ARHGAP32: variants seen among roughly 807,000 people sequenced by gnomAD.
ARHGAP32 encodes the protein Rho GTPase activating protein 32.
In ARHGAP32, 51 loss-of-function variants were observed where a neutral mutation model predicts 186.5. The observed-to-expected ratio is 0.27, with a 90% CI of 0.22 to 0.35. The LOEUF (loss-of-function observed/expected upper bound fraction) is 0.35, where lower values mean the gene tolerates loss of function less well. ARHGAP32 is among the 10% of genes least tolerant of loss of function. The pLI is 1.00. For missense variants in ARHGAP32, 2,186 were observed against 2,623.5 expected, an observed-to-expected ratio of 0.83 and a Z score of 3.64; for synonymous variants, 950 against 964.3, an observed-to-expected ratio of 0.99 and a Z score of 0.27.
Position 128,998,441 on chromosome 11 carries a change from G to A in ARHGAP32, c.1073C>T (p.Thr358Met), listed in dbSNP as rs1205267258. The change falls in exon 12 of 23, where the codon ACG becomes ATG. Residue 358 changes from threonine (T) to methionine (M), a missense_variant. Around this residue, in one of 5 missense-constraint regions of ARHGAP32, gnomAD observed 308 missense variants for 596.5 expected, o/e 0.52. Transcript: ENST00000682385. ...AGACTTCATGAATGTTCGTAAGAAC[G>A]TAATGAGCTTGCCGTGCTTTTTAGA... ...PVSKKHGKLI[T>M]FLRTFMKSRP... The A allele has an allele frequency of 3.2e-6, 5 of 1,577,480 alleles. No individual in the cohort carries two copies. The highest frequency in any genetic ancestry group is 1.7e-5 in the Admixed American group (1 of 57,272).
chr11:129,021,378 A>C (rs977851810), intron 11 of ARHGAP32, among the ~76,000 whole-genome samples: 5 of 152,046 alleles, frequency 3.3e-5, no homozygotes, highest in African/African-American at 7.2e-5. Flanking sequence ...TGGTTAACTA[A>C]AATATTGGGA....
Position 129,165,312 on chromosome 11 carries a change from T to C in ARHGAP32, c.117-885A>G, listed in dbSNP as rs544665290. Among the ~76,000 whole-genome samples the C allele has an allele frequency of 1.6e-4, 24 of 151,742 alleles. No individual in the cohort carries two copies. In the South Asian group the frequency reaches 4.8e-3, roughly 30 times the overall value. On this transcript the variant is annotated intron_variant, in intron 1 of 22. Coordinates refer to ENST00000682385, the MANE Select transcript of ARHGAP32 (RefSeq NM_001378024.1). ...AGTAGACATTTTGGCAGCCCATCAA[T>C]GGTGAGGAGATGGGCTGGCAAGCAA... is the stretch of plus-strand genomic sequence containing the variant.
At chr11:129,029,638 C>A (rs901192426) in intron 11 of ARHGAP32, among the ~76,000 whole-genome samples, 9 of 151,880 alleles carry the variant, frequency 5.9e-5, no homozygotes, top group Non-Finnish European at 8.8e-5. Flanking sequence ...CCCGTCTCTA[C>A]TAAAAATACA....
chr11:129,236,438 T>C (rs1022270382), intron 1 of ARHGAP32, among the ~76,000 whole-genome samples: 2 of 152,162 alleles, frequency 1.3e-5, no homozygotes, highest in Non-Finnish European at 2.9e-5. Flanking sequence ...TCTTGCTGAT[T>C]TGTTTGGCTT....
intron 1 of ARHGAP32, among the ~76,000 whole-genome samples, chr11:129,220,372 A>T (rs1944697452): frequency 1.3e-5 from 2 of 152,186 alleles, no homozygotes; most frequent in East Asian, 3.8e-4. Context: ...AACAATGAAA[A>T]TCCGTGAATA....
intron 6 of ARHGAP32, among the ~76,000 whole-genome samples, chr11:129,086,776 G>C (rs557348859): frequency 6.8e-6 from 1 of 147,890 alleles, no homozygotes; most frequent in Admixed American, 6.8e-5. Flanking sequence ...AGCCGAGATT[G>C]CGCCACTGCA....
chr11:128,971,347 C>T, intron 22 of ARHGAP32, 188 bp from the exon 23 acceptor site: 1 of 537,862 alleles, frequency 1.9e-6, no homozygotes. Context: ...TGTACAACAC[C>T]CAGTATTATC....
chr11:128,994,755 C>T (rs1168801488), intron 12 of ARHGAP32, among the ~76,000 whole-genome samples: 1 of 152,042 alleles, frequency 6.6e-6, no homozygotes, highest in African/African-American at 2.4e-5. Context: ...CAAAGGTTTC[C>T]CTTCTCCTGC....
chr11:129,002,192 G>C (rs1358937135), intron 11 of ARHGAP32, among the ~76,000 whole-genome samples: 1 of 152,092 alleles, frequency 6.6e-6, no homozygotes, highest in Non-Finnish European at 1.5e-5. Context: ...GGGTAATATG[G>C]ACATTTTTAA....
intron 18 of ARHGAP32, 51 bp downstream of exon 18, chr11:128,980,502 A>G: frequency 7.2e-7 from 1 of 1,388,398 alleles, no homozygotes; most frequent in Non-Finnish European, 9.8e-7. Context: ...AGAAAATAAT[A>G]GGACATAGCT....
chr11:129,031,841 G>C (rs1253972517), intron 11 of ARHGAP32, among the ~76,000 whole-genome samples: 1 of 152,182 alleles, frequency 6.6e-6, no homozygotes. Flanking sequence ...CCTGCCAGCA[G>C]AGCAGTAGAG....
chr11:128,968,208 T>A lies in ARHGAP32; in HGVS notation c.*699A>T, dbSNP rs1945261957. The A allele has an allele frequency of 6.6e-6, 1 of 152,112 alleles. No homozygotes were observed. Among genetic ancestry groups the A allele is most frequent in the Non-Finnish European group, 1.5e-5 (1 of 68,024 alleles). 9.4% of individuals were successfully genotyped at this position (152,112 alleles called of 1,614,324 possible). On this transcript the variant is annotated 3_prime_UTR_variant, in exon 23 of 23. Transcript: ENST00000682385. ...TGATATGAGCCTGTTCACTGAACCG[T>A]GAGGAACAAGGATGAAAAATAAGAA...
intron 11 of ARHGAP32, among the ~76,000 whole-genome samples, chr11:129,023,083 C>A (rs573037176): frequency 1.3e-5 from 2 of 151,840 alleles, no homozygotes; most frequent in African/African-American, 4.8e-5. Flanking sequence ...AAATGTTCAA[C>A]CTCTGTTAAG....
chr11:129,183,712 A>G (rs926446070), intron 1 of ARHGAP32, among the ~76,000 whole-genome samples: 1 of 152,080 alleles, frequency 6.6e-6, no homozygotes, highest in Non-Finnish European at 1.5e-5. Context: ...TTTTTCTGGA[A>G]GACCCCACCT....
At position 129,212,405 on chromosome 11, in the gene ARHGAP32, C is replaced by T. The variant is rs1003335185; in HGVS notation, c.-4-47978G>A. On this transcript the variant is annotated intron_variant, in intron 1 of 6. Coordinates refer to the ARHGAP32 transcript ENST00000525234. ...TTGGTGTTTGTGATATATGCACATA[C>T]AGAAAGTTTTATTTCAGCTCTGTCA... Among the ~76,000 whole-genome samples, 24 of 152,124 alleles carry T rather than the reference C, an allele frequency of 1.6e-4. 1 individual carries two copies. Among genetic ancestry groups the T allele is most frequent in the Admixed American group, 1.5e-3 (23 of 15,276 alleles).
intron 6 of ARHGAP32, among the ~76,000 whole-genome samples, chr11:129,072,478 T>A (rs1252350365): frequency 2.6e-5 from 4 of 152,176 alleles, no homozygotes; most frequent in Non-Finnish European, 5.9e-5. Context: ...AGTAAAAAGC[T>A]GAACAAAGTG....
intron 6 of ARHGAP32, among the ~76,000 whole-genome samples, chr11:129,068,953 G>A (rs1223021543): frequency 6.6e-6 from 1 of 151,928 alleles, no homozygotes; most frequent in East Asian, 1.9e-4. Context: ...TTTCACACAG[G>A]TATGTGAAAG....
intron 11 of ARHGAP32, among the ~76,000 whole-genome samples, chr11:129,007,150 G>C (rs1175084252): frequency 4.0e-5 from 6 of 151,890 alleles, no homozygotes; most frequent in Non-Finnish European, 8.8e-5. Context: ...GCCCAGGGCG[G>C]GTCTAGAAAT....
At chr11:129,220,851 A>C (rs1944702532) in intron 1 of ARHGAP32, among the ~76,000 whole-genome samples, 3 of 152,206 alleles carry the variant, frequency 2.0e-5, no homozygotes, top group African/African-American at 7.2e-5. Flanking sequence ...ACTATTTTAC[A>C]GGTTAAACTC....
Sources: allele counts gnomAD v4.1 joint callset (sites outside exome capture counted in the v4.1 genomes callset), GRCh38; gene constraint gnomAD v4.1.1; regional missense constraint gnomAD v4.1.1; transcripts MANE v1.5; gene names NCBI Gene and HGNC (gene_info 2026-07-23, HGNC 2026-07-21).